Variants in PRELID2 observed in about 807,000 individuals in gnomAD.
PRELID2 encodes PRELI domain containing 2, also known as PRELI domain-containing protein 2.
Under a neutral mutation model 28.4 loss-of-function variants are expected in PRELID2, and 25 were observed. The ratio of observed to expected loss-of-function variants is 0.88; its 90% confidence interval spans 0.64 to 1.23. PRELID2 has a LOEUF of 1.23. Among genes scored for constraint, PRELID2 ranks in the 50% most tolerant of loss-of-function variants. The pLI, the probability that PRELID2 is intolerant of heterozygous loss-of-function variation, is 0.00. For missense variants in PRELID2, 201 were observed against 214.4 expected, an observed-to-expected ratio of 0.94 and a Z score of 0.39; for synonymous variants, 76 against 71.6, an observed-to-expected ratio of 1.06 and a Z score of -0.31.
the PRELID2 span, among the ~76,000 whole-genome samples, chr5:145,243,848 A>C: frequency 6.6e-6 from 1 of 152,124 alleles, no homozygotes; most frequent in Admixed American, 6.6e-5. Flanking sequence ...CAAAAAGAAG[A>C]TCATACATTT....
chr5:145,541,699 A>G (rs1296888033), intron 1 of PRELID2, among the ~76,000 whole-genome samples: 2 of 152,044 alleles, frequency 1.3e-5, no homozygotes, highest in African/African-American at 4.8e-5. Flanking sequence ...GAACCTGGGG[A>G]TGGAAGGCAT....
intron 6 of PRELID2, among the ~76,000 whole-genome samples, chr5:145,761,947 A>T (rs1472600056): frequency 6.6e-6 from 1 of 152,202 alleles, no homozygotes; most frequent in Non-Finnish European, 1.5e-5. Flanking sequence ...GCATATTTCA[A>T]ACTTGACAAA....
the PRELID2 span, among the ~76,000 whole-genome samples, chr5:145,406,842 T>C: frequency 6.6e-5 from 10 of 152,132 alleles, no homozygotes; most frequent in African/African-American, 2.2e-4. Context: ...GATTTAACCT[T>C]ACCTAGAGCT....
chr5:145,512,772 A>G (rs1752472687), intron 1 of PRELID2, among the ~76,000 whole-genome samples: 1 of 152,190 alleles, frequency 6.6e-6, no homozygotes, highest in Admixed American at 6.5e-5. Flanking sequence ...TCTGGGACGA[A>G]GCTTCCAAAG....
chr5:145,305,151 G>C, the PRELID2 span, among the ~76,000 whole-genome samples: 1 of 152,176 alleles, frequency 6.6e-6, no homozygotes, highest in Non-Finnish European at 1.5e-5. Flanking sequence ...AAAGGATAGA[G>C]AGAATAGGAT....
rs533410516 is a variant in PRELID2 at position 145,765,707 on chromosome 5, C to A, written c.475-707G>T. On this transcript the variant is annotated intron_variant, in intron 5 of 6. Coordinates refer to ENST00000683046, the MANE Select transcript of PRELID2 (RefSeq NM_205846.3). ...AGTTCAAAAATCCCTTCCCGTACCC[C>A]ATGACAAGAGTTGTTCCTGAGTGCG... 2.0e-5 allele frequency among the ~76,000 whole-genome samples: 3 copies of A among 152,246 alleles called. No homozygotes were observed. The East Asian group carries it at 5.8e-4, about 29-fold the overall frequency.
chr5:145,242,884 T>A, the PRELID2 span, among the ~76,000 whole-genome samples: 1 of 152,110 alleles, frequency 6.6e-6, no homozygotes, highest in African/African-American at 2.4e-5. Context: ...GTGGTATGAT[T>A]TAACCACCAT....
intron 1 of PRELID2, among the ~76,000 whole-genome samples, chr5:145,604,748 G>GTTTT (rs377653737): frequency 1.0e-4 from 11 of 109,000 alleles, no homozygotes; most frequent in South Asian, 3.0e-4. Context: ...GTTTTTTTTG[G>GTTTT]TTTTTTTTTT....
chr5:145,729,566 A>G (rs1756275649), intron 1 of PRELID2, among the ~76,000 whole-genome samples: 1 of 152,022 alleles, frequency 6.6e-6, no homozygotes, highest in South Asian at 2.1e-4. Flanking sequence ...AAATTCAAGT[A>G]AGCAGAATGT....
Position 145,728,628 on chromosome 5 carries a change from C to T in PRELID2, n.70+36303G>A, listed in dbSNP as rs1442294448. 7 of 1,177,222 alleles carry T rather than the reference C, an allele frequency of 5.9e-6. No homozygotes were observed. The African/African-American group carries it at 1.1e-4, about 18-fold the overall frequency. 72.9% of individuals were successfully genotyped at this position (1,177,222 alleles called of 1,614,324 possible). On this transcript the variant is annotated intron_variant and non_coding_transcript_variant, in intron 1 of 2. Coordinates refer to the PRELID2 transcript ENST00000510259. ...AATGACCACTGTAACATTATAGACT[C>T]CATAACGAACATAACCAATATTTTC... is the stretch of plus-strand genomic sequence containing the variant.
chr5:145,408,707 A>G, the PRELID2 span, among the ~76,000 whole-genome samples: 1 of 152,084 alleles, frequency 6.6e-6, no homozygotes, highest in Non-Finnish European at 1.5e-5. Context: ...AGCCTTCAAG[A>G]AATTTGGGAT....
the PRELID2 span, among the ~76,000 whole-genome samples, chr5:145,313,771 A>T: frequency 6.6e-6 from 1 of 152,184 alleles, no homozygotes; most frequent in Non-Finnish European, 1.5e-5. Context: ...GCATTACATT[A>T]CCTAACTAGT....
intron 1 of PRELID2, among the ~76,000 whole-genome samples, chr5:145,666,841 G>A (rs1754605225): frequency 1.3e-5 from 2 of 152,044 alleles, no homozygotes; most frequent in Non-Finnish European, 2.9e-5. Flanking sequence ...ATGTTTACTT[G>A]CTAATGAAAT....
chr5:145,425,595 G>T, the PRELID2 span, among the ~76,000 whole-genome samples: 1 of 152,124 alleles, frequency 6.6e-6, no homozygotes, highest in Admixed American at 6.5e-5. Context: ...ACAAGATTAC[G>T]TCCTTTGTTG....
intron 1 of PRELID2, among the ~76,000 whole-genome samples, chr5:145,596,786 A>G (rs777251724): frequency 3.9e-5 from 6 of 152,212 alleles, no homozygotes; most frequent in African/African-American, 7.2e-5. Flanking sequence ...CAAAGAAAAT[A>G]TATAGTATAA....
chr5:145,751,837 C>G (rs1362884400), downstream of PRELID2, among the ~76,000 whole-genome samples: 1 of 152,078 alleles, frequency 6.6e-6, no homozygotes, highest in African/African-American at 2.4e-5. Context: ...CAAAAATTAG[C>G]TAGGCGTGGT....
the PRELID2 span, among the ~76,000 whole-genome samples, chr5:145,233,134 C>T: frequency 2.0e-5 from 3 of 152,070 alleles, no homozygotes; most frequent in African/African-American, 7.2e-5. Flanking sequence ...AACAATGGCA[C>T]TCTGAGGCTC....
chr5:145,367,653 A>G, the PRELID2 span, among the ~76,000 whole-genome samples: 1 of 151,876 alleles, frequency 6.6e-6, no homozygotes, highest in African/African-American at 2.4e-5. Context: ...TGATCTTTTT[A>G]CTGTCTTCAC....
At chr5:145,233,961 C>T in the PRELID2 span, among the ~76,000 whole-genome samples, 80 of 152,286 alleles carry the variant, frequency 5.3e-4, no homozygotes, top group African/African-American at 1.8e-3. Context: ...AACCACACTG[C>T]TTTCAGAGTC....
Sources: gnomAD v4.1 joint callset for allele counts (sites outside exome capture counted in the v4.1 genomes callset) on GRCh38, gnomAD v4.1.1 for gene constraint, MANE v1.5 for transcripts, NCBI Gene and HGNC (gene_info 2026-07-23, HGNC 2026-07-21) for gene names.